The following FHIT variants were observed in gnomAD, a reference collection of about 807,000 sequenced individuals.
FHIT encodes the protein fragile histidine triad diadenosine triphosphatase.
In FHIT, 19 loss-of-function variants were observed where a neutral mutation model predicts 17.9. That is an observed-to-expected ratio of 1.06 (90% CI 0.74 to 1.56). The LOEUF is 1.56. Ranked by LOEUF, FHIT falls within the 40% of genes most tolerant of loss-of-function variation. The pLI is 0.00. For missense variants in FHIT, 248 were observed against 189.2 expected, an observed-to-expected ratio of 1.31 and a Z score of -1.82; for synonymous variants, 81 against 69.7, an observed-to-expected ratio of 1.16 and a Z score of -0.81.
chr3:60,796,238 A>G (rs1352216416), intron 4 of FHIT, among the ~76,000 whole-genome samples: 2 of 152,212 alleles, frequency 1.3e-5, no homozygotes, highest in African/African-American at 4.8e-5. Flanking sequence ...CAGCGAAACC[A>G]TATCACAAGG....
At chr3:59,779,647 A>C (rs1290660426) in intron 8 of FHIT, among the ~76,000 whole-genome samples, 1 of 152,172 alleles carries the variant, frequency 6.6e-6, no homozygotes, top group East Asian at 1.9e-4. Flanking sequence ...AATACAGAAC[A>C]ATAAAAGGCC....
At chr3:60,540,679 T>C (rs1559524857) in intron 4 of FHIT, among the ~76,000 whole-genome samples, 1 of 152,190 alleles carries the variant, frequency 6.6e-6, no homozygotes, top group South Asian at 2.1e-4. Flanking sequence ...TTATTTTATA[T>C]AGCACATGAA....
At chr3:60,206,552 C>G (rs2107506452) in intron 5 of FHIT, among the ~76,000 whole-genome samples, 1 of 152,242 alleles carries the variant, frequency 6.6e-6, no homozygotes. Context: ...CCTAATGCAT[C>G]ACAGCTAAGC....
At chr3:60,133,485 C>G (rs1053514131) in intron 5 of FHIT, among the ~76,000 whole-genome samples, 1 of 152,142 alleles carries the variant, frequency 6.6e-6, no homozygotes, top group Non-Finnish European at 1.5e-5. Flanking sequence ...AAGGGTATGG[C>G]TCAGCATCTT....
intron 7 of FHIT, among the ~76,000 whole-genome samples, chr3:59,983,581 T>A (rs1296817963): frequency 6.6e-6 from 1 of 152,112 alleles, no homozygotes; most frequent in Non-Finnish European, 1.5e-5. Flanking sequence ...ACAAACAGAA[T>A]TTGGTACCAT....
chr3:61,025,743 T>C (rs1272534410), intron 3 of FHIT, among the ~76,000 whole-genome samples: 1 of 152,134 alleles, frequency 6.6e-6, no homozygotes, highest in Non-Finnish European at 1.5e-5. Context: ...TGTTAATATA[T>C]CTGGTGACTA....
intron 5 of FHIT, among the ~76,000 whole-genome samples, chr3:60,106,957 T>G (rs913736522): frequency 7.9e-5 from 12 of 152,122 alleles, no homozygotes; most frequent in Non-Finnish European, 4.4e-5. Context: ...GAAACTTTTT[T>G]ATTGTAAGCC....
intron 5 of FHIT, among the ~76,000 whole-genome samples, chr3:60,049,212 GTTC>G (rs530669340): frequency 2.0e-5 from 3 of 152,076 alleles, no homozygotes; most frequent in Admixed American, 6.6e-5. Flanking sequence ...TACAAATTAT[GTTC>G]TTCTTCTATT....
At chr3:60,516,163 T>C (rs1275229438) in intron 5 of FHIT, among the ~76,000 whole-genome samples, 1 of 152,182 alleles carries the variant, frequency 6.6e-6, no homozygotes, top group Non-Finnish European at 1.5e-5. Flanking sequence ...AGAGCTTGAA[T>C]TTATGTGACT....
At chr3:59,866,564 A>G (rs775627135) in intron 8 of FHIT, among the ~76,000 whole-genome samples, 38 of 152,118 alleles carry the variant, frequency 2.5e-4, no homozygotes, top group Non-Finnish European at 1.6e-4. Flanking sequence ...CAACAAGAAG[A>G]CTGTTACCTT....
chr3:60,122,512 G>C (rs1356091123), intron 5 of FHIT, among the ~76,000 whole-genome samples: 3 of 152,154 alleles, frequency 2.0e-5, no homozygotes, highest in African/African-American at 4.8e-5. Flanking sequence ...AAATCTAGGA[G>C]TTAGGTAAAC....
chr3:60,044,891 T>C (rs981819361), intron 5 of FHIT, among the ~76,000 whole-genome samples: 5 of 152,126 alleles, frequency 3.3e-5, no homozygotes, highest in Admixed American at 1.3e-4. Context: ...AATGAGCTCA[T>C]GAAAGAAAAG....
At chr3:60,667,706 T>C (rs1279762719) in intron 4 of FHIT, among the ~76,000 whole-genome samples, 1 of 150,130 alleles carries the variant, frequency 6.7e-6, no homozygotes, top group Admixed American at 6.7e-5. Flanking sequence ...ATTTTGCCTA[T>C]TATGATAGGA....
chr3:60,761,392 T>C (rs1699650506), intron 4 of FHIT, among the ~76,000 whole-genome samples: 1 of 152,206 alleles, frequency 6.6e-6, no homozygotes, highest in Non-Finnish European at 1.5e-5. Context: ...TTTATGTTGC[T>C]CTTCATGAGC....
intron 5 of FHIT, among the ~76,000 whole-genome samples, chr3:60,237,817 C>T (rs1483448901): frequency 2.0e-5 from 3 of 152,052 alleles, no homozygotes; most frequent in Non-Finnish European, 4.4e-5. Flanking sequence ...CTGGGAGAAG[C>T]AGCTGGTTAG....
At chr3:59,981,935 C>A (rs776280128) in intron 7 of FHIT, among the ~76,000 whole-genome samples, 4 of 149,948 alleles carry the variant, frequency 2.7e-5, no homozygotes, top group Non-Finnish European at 5.9e-5. Context: ...ACTACTGCCA[C>A]TCCTTTTTGC....
At chr3:60,019,204 C>T (rs370148480) in intron 5 of FHIT, among the ~76,000 whole-genome samples, 4 of 152,206 alleles carry the variant, frequency 2.6e-5, no homozygotes, top group East Asian at 3.9e-4. Context: ...CTTACATTGT[C>T]CCACATTCTA....
intron 2 of FHIT, among the ~76,000 whole-genome samples, chr3:61,074,169 A>AGG: frequency 1.3e-5 from 2 of 152,306 alleles, no homozygotes; most frequent in Middle Eastern, 6.8e-3. Flanking sequence ...TTAAGCCTTC[A>AGG]GTACTAAGTG....
At chr3:59,881,988 T>G (rs1247586950) in intron 8 of FHIT, among the ~76,000 whole-genome samples, 2 of 152,194 alleles carry the variant, frequency 1.3e-5, no homozygotes, top group Non-Finnish European at 2.9e-5. Flanking sequence ...GCTTTGGAAT[T>G]ATTCACATGA....
Sources: gnomAD v4.1 joint callset for allele counts (sites outside exome capture counted in the v4.1 genomes callset) on GRCh38, gnomAD v4.1.1 for gene constraint, MANE v1.5 for transcripts, NCBI Gene and HGNC (gene_info 2026-07-23, HGNC 2026-07-21) for gene names.